Variants in OSBPL8 observed in about 807,000 individuals in gnomAD.
The protein encoded by OSBPL8 is oxysterol binding protein like 8, also known as oxysterol-binding protein-related protein 8.
OSBPL8 carries 59 observed loss-of-function variants against 125.5 expected under a neutral mutation model. That is an observed-to-expected ratio of 0.47 (90% confidence interval 0.38 to 0.58). OSBPL8 has a LOEUF of 0.58. OSBPL8 is among the 20% of genes least tolerant of loss of function. The probability of loss-of-function intolerance (pLI) is 0.00; values close to 1 mark genes in which losing one functional copy is unlikely to be tolerated. For synonymous variants in OSBPL8, 330 were observed against 338.9 expected, an observed-to-expected ratio of 0.97 and a Z score of 0.29; for missense variants, 758 against 1,047.8, an observed-to-expected ratio of 0.72 and a Z score of 3.82.
chr12:76,459,930 AC>A, intron 2 of OSBPL8, 35 bp from the exon 3 acceptor site: 1 of 1,612,438 alleles, frequency 6.2e-7, no homozygotes, highest in South Asian at 1.1e-5. Context: ...GCAAACAAAT[AC>A]AGTCCAAATC....
Position 76,375,407 on chromosome 12 carries a change from T to A in OSBPL8, c.1730-37A>T, listed in dbSNP as rs774853247. 3.6e-6 allele frequency: 5 copies of A among 1,369,930 alleles called. No individual in the cohort carries two copies. The South Asian group carries it at 5.9e-5, about 16-fold the overall frequency. 84.9% of individuals were successfully genotyped at this position (1,369,930 alleles called of 1,614,324 possible). ...AGATTTGACAAAAAATTGAAAAGAG[T>A]ATAGTATAGTATATGGCTCACGATA... On this transcript the variant is annotated intron_variant, in intron 16 of 23. Coordinates refer to ENST00000261183, the MANE Select transcript of OSBPL8 (RefSeq NM_020841.5).
In OSBPL8 at chr12:76,353,438, T is replaced by C. The variant is rs1158969566; in HGVS notation, c.*2451A>G. ...TCAATTAAATTTTCATGTAGGAAAATAAAATCTTGGTAAATGAAAAAAACT... is the reference window on the plus strand; with the variant it reads ...TCAATTAAATTTTCATGTAGGAAAACAAAATCTTGGTAAATGAAAAAAACT... On this transcript the variant is annotated 3_prime_UTR_variant, in exon 24 of 24. Coordinates refer to ENST00000261183, the MANE Select transcript of OSBPL8 (RefSeq NM_020841.5). The C allele has an allele frequency of 6.6e-6, 1 of 151,292 alleles. No homozygotes were observed. Among genetic ancestry groups the C allele is most frequent in the Non-Finnish European group, 1.5e-5 (1 of 67,704 alleles). 9.4% of individuals were successfully genotyped at this position (151,292 alleles called of 1,614,324 possible). A position where few individuals can be genotyped will look rare whatever the true frequency, so the allele number is the denominator to read the frequency against.
chr12:76,527,892 C>T (rs1950222150), intron 1 of OSBPL8, among the ~76,000 whole-genome samples: 1 of 152,148 alleles, frequency 6.6e-6, no homozygotes, highest in Non-Finnish European at 1.5e-5. Context: ...GAGTAACAGG[C>T]AGTCAGTGCT....
chr12:76,392,740 A>T lies in OSBPL8; in HGVS notation c.770T>A (p.Met257Lys). The change falls in exon 10 of 24, where the codon ATG (methionine) becomes AAG (lysine). Residue 257 changes from methionine (M) to lysine (K), a missense_variant. This residue lies in a region of OSBPL8 where 572 missense variants were observed against 762.0 expected (regional missense o/e 0.75). Transcript: ENST00000261183. ...TTTCAAAGCCAACTCCAAAGCATCC[A>T]TCCAGCACCTTCCTAAAAGAACACA... is the stretch of plus-strand genomic sequence containing the variant. Reference protein sequence around the residue: ...ATSESDGRCWMDALELALKCS... With the variant: ...ATSESDGRCWKDALELALKCS... The T allele has an allele frequency of 6.2e-7, 1 of 1,607,816 alleles. No homozygotes were observed.
intron 2 of OSBPL8, among the ~76,000 whole-genome samples, chr12:76,485,328 T>C (rs1420716276): frequency 1.3e-5 from 2 of 152,016 alleles, no homozygotes; most frequent in African/African-American, 4.8e-5. Flanking sequence ...TCCCAGCACT[T>C]TGGGAGGCTG....
intron 1 of OSBPL8, among the ~76,000 whole-genome samples, chr12:76,498,725 C>CT (rs369287376): frequency 0.77 from 79,349 of 102,558 alleles, 31,374 homozygotes; most frequent in East Asian, 0.85. Flanking sequence ...AGCCTCCCCA[C>CT]TTTTTTTTTT....
chr12:76,407,141 A>G (rs932110203), intron 5 of OSBPL8, among the ~76,000 whole-genome samples: 1 of 152,246 alleles, frequency 6.6e-6, no homozygotes, highest in East Asian at 1.9e-4. Context: ...AAAATTACTC[A>G]GATAAGAATA....
chr12:76,461,658 C>T (rs534738023), intron 2 of OSBPL8, among the ~76,000 whole-genome samples: 29 of 152,038 alleles, frequency 1.9e-4, no homozygotes, highest in Non-Finnish European at 3.8e-4. Flanking sequence ...AGGCCAGTCT[C>T]GAACTCCTGA....
Position 76,519,986 on chromosome 12 carries a change from T to C in OSBPL8, c.-67-32368A>G, listed in dbSNP as rs564447208. Among the ~76,000 whole-genome samples, 7 of 152,254 alleles carry C rather than the reference T, an allele frequency of 4.6e-5. No homozygotes were observed. The South Asian group carries it at 1.5e-3, about 32-fold the overall frequency. The stretch of plus-strand genomic sequence containing the variant: ...AAACCATATCAGTACAGAAGGAGCT[T>C]ATTTAGTAAAACCACCAGAAACAAG... On this transcript the variant is annotated intron_variant, in intron 1 of 23. Coordinates refer to ENST00000261183, the MANE Select transcript of OSBPL8 (RefSeq NM_020841.5).
chr12:76,403,942 T>C (rs1954152186), intron 5 of OSBPL8, among the ~76,000 whole-genome samples: 1 of 152,146 alleles, frequency 6.6e-6, no homozygotes, highest in African/African-American at 2.4e-5. Context: ...GAAAATAAAA[T>C]AGGTACTTGC....
intron 5 of OSBPL8, among the ~76,000 whole-genome samples, chr12:76,408,542 A>C (rs932476886): frequency 2.0e-5 from 3 of 151,952 alleles, no homozygotes; most frequent in African/African-American, 7.3e-5. Context: ...AGGAGAGTCA[A>C]GATTCAAATT....
intron 4 of OSBPL8, among the ~76,000 whole-genome samples, chr12:76,436,171 T>C (rs185402074): frequency 6.6e-6 from 1 of 152,244 alleles, no homozygotes; most frequent in African/African-American, 2.4e-5. Flanking sequence ...GTGCCAATGC[T>C]TGCATCTTTT....
At chr12:76,557,202 T>A (rs1044271492) in intron 1 of OSBPL8, among the ~76,000 whole-genome samples, 6 of 152,260 alleles carry the variant, frequency 3.9e-5, no homozygotes, top group Non-Finnish European at 8.8e-5. Context: ...ATCTATGTAC[T>A]GTATCAATTC....
chr12:76,414,613 G>A (rs1868395886), intron 4 of OSBPL8, among the ~76,000 whole-genome samples: 1 of 149,852 alleles, frequency 6.7e-6, no homozygotes, highest in Non-Finnish European at 1.5e-5. Flanking sequence ...CACTAGGCCT[G>A]ACTTTTTTGT....
intron 1 of OSBPL8, among the ~76,000 whole-genome samples, chr12:76,519,786 C>T (rs1380146711): frequency 6.6e-6 from 1 of 152,050 alleles, no homozygotes; most frequent in Non-Finnish European, 1.5e-5. Flanking sequence ...ATGTCCCAGA[C>T]TCTTTTAAAC....
chr12:76,387,053 A>C (rs930980383), intron 12 of OSBPL8, among the ~76,000 whole-genome samples: 12 of 152,196 alleles, frequency 7.9e-5, no homozygotes, highest in African/African-American at 2.9e-4. Context: ...TTGCAATGTT[A>C]GGCAGTGGCC....
At position 76,550,335 on chromosome 12, in the gene OSBPL8, G is replaced by A. The variant is rs185416631; in HGVS notation, c.-68+9062C>T. On this transcript the variant is annotated intron_variant, in intron 1 of 23. Coordinates refer to ENST00000261183, the MANE Select transcript of OSBPL8 (RefSeq NM_020841.5). Reference sequence around the variant, plus strand: ...CTTCTGGCAGCCCAGGGACAGAAAAGGAATAATCATCTAAGCACATTATCT... The same window carrying A: ...CTTCTGGCAGCCCAGGGACAGAAAAAGAATAATCATCTAAGCACATTATCT... Among the ~76,000 whole-genome samples the A allele has an allele frequency of 6.6e-3, 997 of 152,188 alleles. 6 individuals carry two copies. The highest frequency in any genetic ancestry group is 0.037 in the Middle Eastern group (11 of 294).
intron 5 of OSBPL8, among the ~76,000 whole-genome samples, chr12:76,405,302 T>C (rs939302982): frequency 6.6e-6 from 1 of 151,602 alleles, no homozygotes; most frequent in Non-Finnish European, 1.5e-5. Context: ...CTATGAAAAA[T>C]AAAAAAATTA....
At chr12:76,419,623 T>C (rs1869214176) in intron 4 of OSBPL8, among the ~76,000 whole-genome samples, 1 of 152,304 alleles carries the variant, frequency 6.6e-6, no homozygotes, top group Non-Finnish European at 1.5e-5. Flanking sequence ...GACAGTGCTA[T>C]AATATTCTCT....
Sources: gnomAD v4.1 joint callset for allele counts (sites outside exome capture counted in the v4.1 genomes callset) on GRCh38, gnomAD v4.1.1 for gene constraint, gnomAD v4.1.1 regional missense constraint, MANE v1.5 for transcripts, NCBI Gene and HGNC (gene_info 2026-07-23, HGNC 2026-07-21) for gene names.